The following BAIAP2 variants were observed in gnomAD, a reference collection of about 807,000 sequenced individuals.
The protein encoded by BAIAP2 is BAR/IMD domain-containing adapter protein 2.
A neutral mutation model predicts 63.0 loss-of-function variants in BAIAP2; 18 were observed. That is an observed-to-expected ratio of 0.29 (90% CI 0.20 to 0.42). The LOEUF (loss-of-function observed/expected upper bound fraction) is 0.42. BAIAP2 is among the 10% of genes least tolerant of loss of function. The pLI is 1.00. For missense variants in BAIAP2, 610 were observed against 734.3 expected, an observed-to-expected ratio of 0.83 and a Z score of 1.96; for synonymous variants, 386 against 307.6, an observed-to-expected ratio of 1.25 and a Z score of -2.67.
chr17:81,108,781 C>A, intron 13 of BAIAP2: 1 of 1,013,462 alleles, frequency 9.9e-7, no homozygotes, highest in Non-Finnish European at 1.4e-6. Context: ...CTGAGGCTGG[C>A]ATCCATGGCT....
chr17:81,064,416 C>T (rs991809617), intron 3 of BAIAP2, among the ~76,000 whole-genome samples: 1 of 152,226 alleles, frequency 6.6e-6, no homozygotes, highest in Non-Finnish European at 1.5e-5. Flanking sequence ...CTCCCCCTTT[C>T]CCTGCAGAGC....
At chr17:81,084,710 CG>C in intron 3 of BAIAP2, 121 bp from the exon 4 acceptor site, 5 of 901,784 alleles carry the variant, frequency 5.5e-6, no homozygotes, top group Non-Finnish European at 9.1e-6. Context: ...CCTGACACCC[CG>C]GGGGCCCTGC....
rs1166149987 is a variant in BAIAP2 at position 81,103,478 on chromosome 17, C to G, written c.643-24C>G. ...GGAGACTGAGCCGGCCCTGACCCCT[C>G]CCTTCCTGCTGCTTCCACTTCAGGG... On this transcript the variant is annotated intron_variant, in intron 7 of 13. Coordinates refer to ENST00000428708, the MANE Select transcript of BAIAP2 (RefSeq NM_001144888.2). 1.9e-6 allele frequency: 3 copies of G among 1,542,520 alleles called. No individual in the cohort carries two copies. In the South Asian group the frequency reaches 3.5e-5, roughly 18 times the overall value.
intron 3 of BAIAP2, among the ~76,000 whole-genome samples, chr17:81,070,708 C>T (rs749471257): frequency 6.6e-6 from 1 of 152,188 alleles, no homozygotes; most frequent in African/African-American, 2.4e-5. Flanking sequence ...CTGTGTGTCA[C>T]GTAGGGGCCC....
rs539874862 is a variant in BAIAP2 at position 81,114,566 on chromosome 17, T to C, written c.1536-1204T>C. Among the ~76,000 whole-genome samples the C allele has an allele frequency of 2.6e-5, 4 of 152,344 alleles. No homozygotes were observed. The East Asian group carries it at 7.7e-4, about 29-fold the overall frequency. On this transcript the variant is annotated intron_variant, in intron 13 of 13. Coordinates refer to ENST00000428708, the MANE Select transcript of BAIAP2 (RefSeq NM_001144888.2). ...AAAGATCCTTTCAGCAGGGTGCCAA[T>C]GCTTAGACGCCATCTGGGAGTCTGG...
At chr17:81,104,492 T>C in intron 9 of BAIAP2, 22 bp from the exon 10 acceptor site, 10 of 1,576,306 alleles carry the variant, frequency 6.3e-6, no homozygotes, top group Non-Finnish European at 8.6e-6. Context: ...GCAGTCCCCT[T>C]ACCTGTCCCT....
chr17:81,110,897 CT>C lies in BAIAP2; in HGVS notation c.1535+2390del, dbSNP rs763928118. 3.1e-6 allele frequency: 5 copies of C among 1,613,848 alleles called. No homozygotes were observed. In the South Asian group the frequency reaches 5.5e-5, roughly 18 times the overall value. ...GACCCCATGCTGCCTCCAACTGAGCCTTGTGTTTCCTTGCAGCGCCGATGTG... is the reference window on the plus strand; with the variant it reads ...GACCCCATGCTGCCTCCAACTGAGCCTGTGTTTCCTTGCAGCGCCGATGTG... On this transcript the variant is annotated intron_variant, in intron 13 of 13. Coordinates refer to ENST00000428708, the MANE Select transcript of BAIAP2 (RefSeq NM_001144888.2).
chr17:81,115,323 C>T (rs2060407269), intron 13 of BAIAP2, among the ~76,000 whole-genome samples: 1 of 152,228 alleles, frequency 6.6e-6, no homozygotes, highest in African/African-American at 2.4e-5. Context: ...CAGGGCTGGG[C>T]TGGACGCTCT....
intron 1 of BAIAP2, among the ~76,000 whole-genome samples, chr17:81,048,890 C>T (rs757139242): frequency 7.9e-5 from 12 of 152,228 alleles, no homozygotes; most frequent in Admixed American, 6.5e-4. Flanking sequence ...CCTCCTCTCC[C>T]GGCACTTCGC....
At chr17:81,036,258 T>A (rs921889472) in intron 1 of BAIAP2, among the ~76,000 whole-genome samples, 3 of 152,238 alleles carry the variant, frequency 2.0e-5, no homozygotes, top group Non-Finnish European at 2.9e-5. Context: ...GCTCTGGGTG[T>A]CCCTGGGTCC....
intron 1 of BAIAP2, among the ~76,000 whole-genome samples, chr17:81,044,533 C>G (rs1568063823): frequency 6.6e-6 from 1 of 152,232 alleles, no homozygotes; most frequent in Non-Finnish European, 1.5e-5. Flanking sequence ...GACCCTGTTT[C>G]CAAACACAGT....
intron 4 of BAIAP2, chr17:81,085,096 T>C (rs2055339413): frequency 1.7e-6 from 1 of 604,658 alleles, no homozygotes; most frequent in South Asian, 1.9e-5. Flanking sequence ...CGCGGCCGCA[T>C]GTTTCACTGG....
chr17:81,042,874 T>TTTTAA (rs1202992494), intron 1 of BAIAP2, among the ~76,000 whole-genome samples: 8 of 148,968 alleles, frequency 5.4e-5, no homozygotes, highest in East Asian at 2.0e-4. Flanking sequence ...GGGGCTTTTA[T>TTTTAA]TTTAATTTAA....
At chr17:81,108,844 T>C (rs1598829352) in intron 13 of BAIAP2, 7 of 1,415,406 alleles carry the variant, frequency 4.9e-6, no homozygotes, top group Admixed American at 2.5e-5. Context: ...TCCTGGGTCT[T>C]CCTGGAGGGT....
At chr17:81,060,081 C>G (rs964396357) in intron 3 of BAIAP2, among the ~76,000 whole-genome samples, 5 of 152,156 alleles carry the variant, frequency 3.3e-5, no homozygotes, top group South Asian at 2.1e-4. Context: ...TCCCCGGGCT[C>G]CTCCTGGAGC....
At chr17:81,094,832 A>G (rs559136341) in intron 6 of BAIAP2, among the ~76,000 whole-genome samples, 1 of 152,336 alleles carries the variant, frequency 6.6e-6, no homozygotes, top group African/African-American at 2.4e-5. Flanking sequence ...CCTTTCGAGT[A>G]AGTGTTACCC....
intron 13 of BAIAP2, among the ~76,000 whole-genome samples, chr17:81,113,885 A>C (rs1043100255): frequency 6.7e-6 from 1 of 150,056 alleles, no homozygotes; most frequent in Non-Finnish European, 1.5e-5. Context: ...TCGGGGCAGG[A>C]GTGAGAACCA....
chr17:81,114,574 C>A (rs992942914), intron 13 of BAIAP2, among the ~76,000 whole-genome samples: 1 of 152,240 alleles, frequency 6.6e-6, no homozygotes, highest in South Asian at 2.1e-4. Flanking sequence ...AATGCTTAGA[C>A]GCCATCTGGG....
intron 3 of BAIAP2, among the ~76,000 whole-genome samples, chr17:81,068,896 C>T (rs1440335840): frequency 6.6e-6 from 1 of 152,182 alleles, no homozygotes; most frequent in Non-Finnish European, 1.5e-5. Flanking sequence ...ACCGTTGTCC[C>T]AGACATGCTC....
Sources: gnomAD v4.1 joint callset for allele counts (sites outside exome capture counted in the v4.1 genomes callset) on GRCh38, gnomAD v4.1.1 for gene constraint, MANE v1.5 for transcripts, NCBI Gene and HGNC (gene_info 2026-07-23, HGNC 2026-07-21) for gene names.